Variants in CACNA2D3 observed in about 807,000 individuals in gnomAD.
CACNA2D3 encodes the protein calcium voltage-gated channel auxiliary subunit alpha2delta 3.
CACNA2D3 carries 60 observed loss-of-function variants against 160.6 expected under a neutral mutation model. The observed-to-expected ratio is 0.37, with a 90% CI of 0.30 to 0.46. CACNA2D3 has a LOEUF of 0.46. Among genes scored for constraint, CACNA2D3 ranks in the 20% least tolerant of loss-of-function variants. The pLI is 1.00. For synonymous variants in CACNA2D3, 558 were observed against 492.9 expected (o/e 1.13, Z -1.75); for missense variants, 1,205 against 1,365.0 (o/e 0.88, Z 1.85).
chr3:54,191,189 G>A (rs1292845882), intron 2 of CACNA2D3, among the ~76,000 whole-genome samples: 1 of 152,140 alleles, frequency 6.6e-6, no homozygotes, highest in East Asian at 1.9e-4. Flanking sequence ...TAACCCTGAA[G>A]CTTAGATGCA....
At chr3:54,866,034 A>G (rs1168711) in intron 17 of CACNA2D3, among the ~76,000 whole-genome samples, 7 of 151,972 alleles carry the variant, frequency 4.6e-5, no homozygotes, top group African/African-American at 1.5e-4. Flanking sequence ...ACCCTTCTCA[A>G]TGGGTTCCCT....
chr3:54,354,896 A>C (rs1698622830), intron 3 of CACNA2D3, among the ~76,000 whole-genome samples: 1 of 152,244 alleles, frequency 6.6e-6, no homozygotes, highest in African/African-American at 2.4e-5. Flanking sequence ...AATCTTTTGC[A>C]ACACCAGAAA....
intron 13 of CACNA2D3, among the ~76,000 whole-genome samples, chr3:54,782,121 G>C (rs935604616): frequency 6.6e-5 from 10 of 152,188 alleles, no homozygotes. Context: ...GTGTTGGTCA[G>C]AGATAAATAC....
chr3:54,623,386 C>T (rs1434143759), intron 9 of CACNA2D3, among the ~76,000 whole-genome samples: 10 of 152,182 alleles, frequency 6.6e-5, no homozygotes, highest in Admixed American at 1.3e-4. Flanking sequence ...GCTCAATGCC[C>T]GTGCACAACT....
rs2694114 is a variant in CACNA2D3, at chr3:54,824,006, G to T, written c.1398+7136G>T. ...CCAAGAGTTAACCTAACAATAGTCT[G>T]CTAAGCCCAACTCTCCCAAGAAATA... is the stretch of plus-strand genomic sequence containing the variant. On this transcript the variant is annotated intron_variant, in intron 14 of 37. Coordinates refer to ENST00000474759, the MANE Select transcript of CACNA2D3 (RefSeq NM_018398.3). 9.1e-3 allele frequency among the ~76,000 whole-genome samples: 1,379 copies of T among 152,224 alleles called. 21 individuals carry two copies. The highest frequency in any genetic ancestry group is 0.029 in the African/African-American group (1,219 of 41,520).
chr3:54,339,974 A>G (rs1360292309), intron 3 of CACNA2D3, among the ~76,000 whole-genome samples: 1 of 152,182 alleles, frequency 6.6e-6, no homozygotes, highest in African/African-American at 2.4e-5. Context: ...CTGGAGAGTT[A>G]TTTCTTGGAG....
At chr3:54,394,850 A>G (rs2106683685) in intron 4 of CACNA2D3, among the ~76,000 whole-genome samples, 1 of 36,586 alleles carries the variant, frequency 2.7e-5, no homozygotes, top group South Asian at 1.1e-3. Flanking sequence ...GGCTGGGTCA[A>G]ATGGTATTTC....
intron 27 of CACNA2D3, among the ~76,000 whole-genome samples, chr3:54,963,657 A>C (rs766108140): frequency 6.6e-6 from 1 of 152,138 alleles, no homozygotes; most frequent in African/African-American, 2.4e-5. Context: ...CAAATGGTCT[A>C]TGTGTTTTGG....
intron 3 of CACNA2D3, among the ~76,000 whole-genome samples, chr3:54,351,594 T>C (rs1698566740): frequency 6.6e-6 from 1 of 152,246 alleles, no homozygotes; most frequent in African/African-American, 2.4e-5. Flanking sequence ...TTCCATTTTG[T>C]GTTTATAAGG....
intron 4 of CACNA2D3, among the ~76,000 whole-genome samples, chr3:54,431,030 G>T (rs1575450617): frequency 6.6e-6 from 1 of 152,188 alleles, no homozygotes; most frequent in East Asian, 1.9e-4. Flanking sequence ...CTAGAGAAAA[G>T]AAAATGTACT....
chr3:54,749,234 C>CT (rs1559568246), intron 11 of CACNA2D3, among the ~76,000 whole-genome samples: 1 of 152,138 alleles, frequency 6.6e-6, no homozygotes, highest in African/African-American at 2.4e-5. Context: ...CCACAACTTG[C>CT]TTTTTACCTT....
Position 54,223,343 on chromosome 3 carries a change from CGAT to C in CACNA2D3, c.205-97095_205-97093del, listed in dbSNP as rs1323095514. Among the ~76,000 whole-genome samples, 5 of 152,050 alleles carry C rather than the reference CGAT, an allele frequency of 3.3e-5. No individual in the cohort carries two copies. In the East Asian group the frequency reaches 5.8e-4, roughly 18 times the overall value. ...TTGAATATTGTAGGCAGTTGTAACA[CGAT>C]GATAAGTATTTGAATATCTAAACAT... is the stretch of plus-strand genomic sequence containing the variant. On this transcript the variant is annotated intron_variant, in intron 2 of 37. Transcript: ENST00000474759.
Position 54,871,543 on chromosome 3 carries a change from A to AAG in CACNA2D3, c.1633_1634dup (p.Gly546LysfsTer27). The AAG allele has an allele frequency of 1.2e-6, 2 of 1,611,922 alleles. No homozygotes were observed. Among genetic ancestry groups the AAG allele is most frequent in the Admixed American group, 3.3e-5 (2 of 59,966 alleles). On this transcript the variant is annotated frameshift_variant, in exon 18 of 38. Transcript: ENST00000474759. LOFTEE classifies it high-confidence loss of function. ...TTTTCTTCTTCCCCTTGCTAGTACG[A>AAG]AGAAGGAAAAAAGCGAAGGAAACCT...
chr3:54,620,469 G>T (rs566494580), intron 9 of CACNA2D3, among the ~76,000 whole-genome samples: 1 of 152,142 alleles, frequency 6.6e-6, no homozygotes, highest in Admixed American at 6.6e-5. Flanking sequence ...TCTTTTGGGT[G>T]TCTCCTCTGC....
chr3:54,867,875 C>G (rs1356553363), intron 17 of CACNA2D3, among the ~76,000 whole-genome samples: 3 of 152,202 alleles, frequency 2.0e-5, no homozygotes, highest in African/African-American at 7.2e-5. Flanking sequence ...CAGTGACATC[C>G]TGGAGCGATG....
Position 54,123,520 on chromosome 3 carries a change from C to G in CACNA2D3, c.130C>G (p.Leu44Val), listed in dbSNP as rs1472092847. 2 of 1,613,632 alleles carry G rather than the reference C, an allele frequency of 1.2e-6. No individual in the cohort carries two copies. Among genetic ancestry groups the G allele is most frequent in the Non-Finnish European group, 1.7e-6 (2 of 1,179,596 alleles). ...TGCCCCTTCTCCCTGTAGGGTGAAG[C>G]TCTGGGCCTCGGCTTTTGGTGGGGA... ...EQQIPLSVVK[L>V]WASAFGGEIK... The change falls in exon 2 of 38, where the codon CTC (leucine) becomes GTC (valine). Residue 44 changes from leucine (L) to valine (V), a missense_variant. Transcript: ENST00000474759.
chr3:54,295,302 T>G (rs571792904), intron 2 of CACNA2D3, among the ~76,000 whole-genome samples: 1 of 152,286 alleles, frequency 6.6e-6, no homozygotes, highest in South Asian at 2.1e-4. Context: ...GCTTTCCAGA[T>G]ACCATGAACT....
intron 4 of CACNA2D3, among the ~76,000 whole-genome samples, chr3:54,431,230 A>C (rs984863939): frequency 1.3e-5 from 2 of 151,714 alleles, no homozygotes; most frequent in African/African-American, 4.8e-5. Flanking sequence ...CCAGCTACTC[A>C]GGAGGCTGAG....
intron 2 of CACNA2D3, among the ~76,000 whole-genome samples, chr3:54,141,934 G>C (rs1366130462): frequency 6.6e-6 from 1 of 152,154 alleles, no homozygotes; most frequent in African/African-American, 2.4e-5. Context: ...GCACCCTCGT[G>C]GAGATTACAA....
Sources: allele counts gnomAD v4.1 joint callset (sites outside exome capture counted in the v4.1 genomes callset), GRCh38; gene constraint gnomAD v4.1.1; transcripts MANE v1.5; gene names NCBI Gene and HGNC (gene_info 2026-07-23, HGNC 2026-07-21).